Variants in NUP35 observed in about 807,000 individuals in gnomAD.
The protein encoded by NUP35 is nucleoporin 35.
Under a neutral mutation model 41.5 loss-of-function variants are expected in NUP35, and 25 were observed. The observed-to-expected ratio is 0.60, with a 90% CI of 0.44 to 0.84. The LOEUF (loss-of-function observed/expected upper bound fraction) is 0.84. Ranked by LOEUF, NUP35 falls within the 40% of genes least tolerant of loss-of-function variation. NUP35 has a pLI of 0.00. For synonymous variants in NUP35, 149 were observed against 130.7 expected (o/e 1.14, Z -0.96); for missense variants, 396 against 396.6 (o/e 1.00, Z 0.01).
chr2:183,117,640 T>C (rs1245872958), intron 1 of NUP35: 1 of 152,222 alleles, frequency 6.6e-6, no homozygotes. Context: ...GAAATCTTTT[T>C]TCTTCACTTC....
At chr2:183,145,948 A>G (rs918494022) in intron 4 of NUP35, among the ~76,000 whole-genome samples, 15 of 152,368 alleles carry the variant, frequency 9.8e-5, no homozygotes, top group Middle Eastern at 3.4e-3. Context: ...AAGAATTTCA[A>G]AAATCTGCTG....
intron 4 of NUP35, among the ~76,000 whole-genome samples, chr2:183,146,793 C>T (rs1342678511): frequency 3.3e-5 from 5 of 152,056 alleles, no homozygotes; most frequent in Admixed American, 6.6e-5. Flanking sequence ...GATGGGGTTT[C>T]GCCATGTTGT....
At chr2:183,117,656 T>A (rs1207908604) in intron 1 of NUP35, 1 of 152,200 alleles carries the variant, frequency 6.6e-6, no homozygotes, top group South Asian at 2.1e-4. Flanking sequence ...ACTTCAATTT[T>A]AAAAAATTAT....
chr2:183,124,070 T>G (rs1700107562), upstream of NUP35, among the ~76,000 whole-genome samples: 1 of 152,184 alleles, frequency 6.6e-6, no homozygotes, highest in Admixed American at 6.5e-5. Context: ...TTCATCAAGC[T>G]GACTTTTCCA....
chr2:183,145,195 T>C (rs140293834), intron 4 of NUP35, among the ~76,000 whole-genome samples: 3 of 152,350 alleles, frequency 2.0e-5, no homozygotes, highest in African/African-American at 7.2e-5. Context: ...AGTTGATAAG[T>C]AGATTCTTAA....
At chr2:183,137,489 G>C (rs1684918096) in intron 4 of NUP35, among the ~76,000 whole-genome samples, 1 of 152,186 alleles carries the variant, frequency 6.6e-6, no homozygotes, top group South Asian at 2.1e-4. Flanking sequence ...GGATGCTGGG[G>C]TTAGGAGGAT....
At chr2:183,120,368 C>A (rs1005011256), upstream of NUP35, among the ~76,000 whole-genome samples, 2 of 149,958 alleles carry the variant, frequency 1.3e-5, no homozygotes, top group African/African-American at 4.9e-5. Context: ...ATTTCTTGAA[C>A]ACGGGAGGCA....
At chr2:183,126,997 G>T (rs894337396) in intron 1 of NUP35, among the ~76,000 whole-genome samples, 5 of 151,620 alleles carry the variant, frequency 3.3e-5, no homozygotes, top group African/African-American at 1.2e-4. Context: ...ACCAGGTCAA[G>T]CTATACTTGC....
At chr2:183,150,322 T>G (rs1685424047) in intron 4 of NUP35, among the ~76,000 whole-genome samples, 2 of 152,286 alleles carry the variant, frequency 1.3e-5, no homozygotes, top group Admixed American at 6.5e-5. Context: ...CTTTATAAGG[T>G]TTTTCTTCAT....
intron 1 of NUP35, among the ~76,000 whole-genome samples, chr2:183,126,197 A>G (rs1684472853): frequency 6.6e-6 from 1 of 152,030 alleles, no homozygotes; most frequent in Admixed American, 6.6e-5. Flanking sequence ...ACTCCCAGCT[A>G]CTTATTGTAT....
At chr2:183,142,793 A>G (rs529515971) in intron 4 of NUP35, among the ~76,000 whole-genome samples, 1 of 150,906 alleles carries the variant, frequency 6.6e-6, no homozygotes, top group Non-Finnish European at 1.5e-5. Context: ...TCAGTTTTTT[A>G]TTTTCTCTGT....
Position 183,159,541 on chromosome 2 carries a change from T to A in NUP35, c.792T>A (p.Phe264Leu), listed in dbSNP as rs61756082. ...RCALSSPSLA[F>L]TPPIKTLGTP... ...CTTTATCATCTCCATCTTTAGCCTT[T>A]ACACCACCAATCAAAACTCTAGGTA... is the stretch of plus-strand genomic sequence containing the variant. The change falls in exon 8 of 9, where the codon TTT becomes TTA. Residue 264 changes from phenylalanine to leucine, a missense_variant. By Grantham distance (22) the Phe-to-Leu change is conservative (BLOSUM62 0). Transcript: ENST00000295119. 1,372 of 1,613,776 alleles carry A rather than the reference T, an allele frequency of 8.5e-4. 2 individuals are homozygous for A. The highest frequency in any genetic ancestry group is 3.3e-3 in the Middle Eastern group (20 of 6,058).
At chr2:183,146,867 G>A (rs1325828288) in intron 4 of NUP35, among the ~76,000 whole-genome samples, 3 of 152,116 alleles carry the variant, frequency 2.0e-5, no homozygotes, top group East Asian at 1.9e-4. Context: ...AAAGTGCTAG[G>A]ATTCAGATGT....
intron 8 of NUP35, chr2:183,160,077 A>T (rs1022152380): frequency 6.4e-6 from 1 of 156,838 alleles, no homozygotes; most frequent in Non-Finnish European, 1.4e-5. Context: ...CCAGACAGAA[A>T]AAAATTTCTC....
intron 1 of NUP35, among the ~76,000 whole-genome samples, chr2:183,127,787 T>C (rs1684548783): frequency 6.6e-6 from 1 of 152,226 alleles, no homozygotes; most frequent in African/African-American, 2.4e-5. Context: ...ATAAATATTG[T>C]GCTGCCAGGT....
At chr2:183,130,133 C>T (rs1684645042) in intron 2 of NUP35, among the ~76,000 whole-genome samples, 1 of 152,118 alleles carries the variant, frequency 6.6e-6, no homozygotes, top group Admixed American at 6.6e-5. Flanking sequence ...CTAAGATTTT[C>T]ATTAACTACT....
chr2:183,155,579 C>CCT (rs1553535041), intron 5 of NUP35, among the ~76,000 whole-genome samples: 1 of 139,800 alleles, frequency 7.2e-6, no homozygotes, highest in Non-Finnish European at 1.5e-5. Flanking sequence ...CATAAAATGG[C>CCT]TTTTTTTTTT....
At chr2:183,129,770 A>G (rs1000681792) in intron 2 of NUP35, among the ~76,000 whole-genome samples, 1 of 152,240 alleles carries the variant, frequency 6.6e-6, no homozygotes, top group African/African-American at 2.4e-5. Context: ...CTGTGCTCTA[A>G]ATAGCTTAAG....
rs1238048599 is a variant in NUP35 at position 183,159,528 on chromosome 2, C to T, written c.779C>T (p.Pro260Leu). Residue 260 changes from proline to leucine, a missense_variant, in exon 8 of 9, where the codon CCA (proline) becomes CTA (leucine). Transcript: ENST00000295119. ...ESSDRCALSS[P>L]SLAFTPPIKT... is the part of the protein sequence containing the mutation. ...AGTGACAGATGTGCTTTATCATCTC[C>T]ATCTTTAGCCTTTACACCACCAATC... 4 of 1,613,400 alleles carry T rather than the reference C, an allele frequency of 2.5e-6. No individual in the cohort carries two copies. Among genetic ancestry groups the T allele is most frequent in the Non-Finnish European group, 3.4e-6 (4 of 1,179,724 alleles).
Sources: gnomAD v4.1 joint callset for allele counts (sites outside exome capture counted in the v4.1 genomes callset) on GRCh38, gnomAD v4.1.1 for gene constraint, MANE v1.5 for transcripts, NCBI Gene and HGNC (gene_info 2026-07-23, HGNC 2026-07-21) for gene names.